The following KCMF1 variants were observed in gnomAD, a reference collection of about 807,000 sequenced individuals.
KCMF1 encodes the protein potassium channel modulatory factor 1.
A neutral mutation model predicts 41.1 loss-of-function variants in KCMF1; 3 were observed. The observed-to-expected ratio is 0.07, with a 90% CI of 0.03 to 0.19. KCMF1 has a LOEUF of 0.19. Ranked by LOEUF, KCMF1 falls within the 10% of genes least tolerant of loss-of-function variation. KCMF1 has a pLI of 1.00. For synonymous variants in KCMF1, 142 were observed against 164.5 expected (o/e 0.86, Z 1.04); for missense variants, 286 against 488.9 (o/e 0.58, Z 3.91).
At chr2:84,973,027 A>G (rs1573998655) in intron 1 of KCMF1, among the ~76,000 whole-genome samples, 1 of 152,244 alleles carries the variant, frequency 6.6e-6, no homozygotes, top group Admixed American at 6.5e-5. Context: ...AATTAAAGTT[A>G]TAATCAGTTT....
At chr2:85,019,806 A>T (rs958823052) in intron 1 of KCMF1, among the ~76,000 whole-genome samples, 1 of 151,816 alleles carries the variant, frequency 6.6e-6, no homozygotes, top group Non-Finnish European at 1.5e-5. Flanking sequence ...ATGTGTGTGT[A>T]TATATACATA....
At chr2:84,992,602 T>G (rs1451310920) in intron 1 of KCMF1, among the ~76,000 whole-genome samples, 2 of 152,060 alleles carry the variant, frequency 1.3e-5, no homozygotes, top group Non-Finnish European at 2.9e-5. Flanking sequence ...CATACAGTTT[T>G]AACGATTTTA....
At chr2:85,003,485 A>G (rs921951626) in intron 1 of KCMF1, among the ~76,000 whole-genome samples, 5 of 152,070 alleles carry the variant, frequency 3.3e-5, no homozygotes, top group Non-Finnish European at 4.4e-5. Context: ...CTCAAAAAAA[A>G]AAATAAGTCT....
At chr2:85,042,098 C>T (rs1399529177) in intron 3 of KCMF1, among the ~76,000 whole-genome samples, 3 of 152,212 alleles carry the variant, frequency 2.0e-5, no homozygotes, top group African/African-American at 7.2e-5. Context: ...ACTTCTTTTT[C>T]TCTTTTGCCT....
chr2:85,018,048 G>C (rs1674827224), intron 1 of KCMF1, among the ~76,000 whole-genome samples: 1 of 152,102 alleles, frequency 6.6e-6, no homozygotes, highest in African/African-American at 2.4e-5. Flanking sequence ...GTGGTTGTCA[G>C]ATATACACCA....
intron 1 of KCMF1, among the ~76,000 whole-genome samples, chr2:84,993,433 G>A (rs916797730): frequency 6.6e-6 from 1 of 151,878 alleles, no homozygotes; most frequent in Non-Finnish European, 1.5e-5. Context: ...TTTTTCTGTT[G>A]GGAGATAATT....
chr2:84,971,511 C>T, intron 1 of KCMF1, 44 bp downstream of exon 1: 1 of 1,122,866 alleles, frequency 8.9e-7, no homozygotes, highest in Non-Finnish European at 1.1e-6. Context: ...CGGGCCTCGG[C>T]CTACCCCGCC....
intron 1 of KCMF1, 23 bp downstream of exon 1, chr2:84,971,490 C>A (rs1244264465): frequency 8.1e-7 from 1 of 1,230,602 alleles, no homozygotes; most frequent in Non-Finnish European, 1.0e-6. Context: ...CCCGCCCCCA[C>A]CCGCACCTCC....
chr2:85,040,581 A>T (rs1391529841), intron 3 of KCMF1, among the ~76,000 whole-genome samples: 1 of 152,160 alleles, frequency 6.6e-6, no homozygotes, highest in Non-Finnish European at 1.5e-5. Context: ...TTTGTCTTAA[A>T]GCATGAGTTA....
At chr2:85,001,351 G>C (rs1336409500) in intron 1 of KCMF1, among the ~76,000 whole-genome samples, 1 of 151,780 alleles carries the variant, frequency 6.6e-6, no homozygotes, top group Non-Finnish European at 1.5e-5. Context: ...TAGAGACAGG[G>C]TCTCACCATG....
At chr2:84,971,698 G>A (rs1250146902) in intron 1 of KCMF1, among the ~76,000 whole-genome samples, 1 of 150,838 alleles carries the variant, frequency 6.6e-6, no homozygotes, top group African/African-American at 2.4e-5. Flanking sequence ...CGGCCCGGGC[G>A]GCCGGAGGGT....
chr2:85,036,992 G>GC (rs527514982), intron 3 of KCMF1, among the ~76,000 whole-genome samples: 2,402 of 147,894 alleles, frequency 0.016, 71 homozygotes, highest in African/African-American at 0.054. Flanking sequence ...TTTGCCCCAT[G>GC]CCCCCCCATC....
chr2:85,004,082 G>A (rs990676461), intron 1 of KCMF1, among the ~76,000 whole-genome samples: 1 of 152,148 alleles, frequency 6.6e-6, no homozygotes, highest in Admixed American at 6.5e-5. Context: ...ATTCACCTCC[G>A]AGTGGGACAG....
At position 85,054,519 on chromosome 2, in the gene KCMF1, A is replaced by C. The variant is rs1030393517; in HGVS notation, c.*1110A>C. 2.6e-5 allele frequency: 4 copies of C among 152,104 alleles called. No individual in the cohort carries two copies. The highest frequency in any genetic ancestry group is 9.7e-5 in the African/African-American group (4 of 41,398). 9.4% of individuals were successfully genotyped at this position (152,104 alleles called of 1,614,324 possible). A position where few individuals can be genotyped will look rare whatever the true frequency, so the allele number is the denominator to read the frequency against. ...TAAAGCCTTTTAATTGAATCATGCC[A>C]CCTATATGCCTATATTATTAATCCT... On this transcript the variant is annotated 3_prime_UTR_variant, in exon 7 of 7. Coordinates refer to ENST00000409785, the MANE Select transcript of KCMF1 (RefSeq NM_020122.5).
chr2:84,987,271 G>A (rs1455002748), intron 1 of KCMF1, among the ~76,000 whole-genome samples: 9 of 152,140 alleles, frequency 5.9e-5, no homozygotes, highest in Non-Finnish European at 1.5e-5. Flanking sequence ...GCAGAGAAAG[G>A]GAACAATGAA....
chr2:84,993,369 C>T (rs1674094080), intron 1 of KCMF1, among the ~76,000 whole-genome samples: 1 of 152,094 alleles, frequency 6.6e-6, no homozygotes, highest in South Asian at 2.1e-4. Context: ...GAGTGTTGAT[C>T]CACAGATAGT....
chr2:84,999,510 T>C (rs1369949135), intron 1 of KCMF1, among the ~76,000 whole-genome samples: 3 of 152,216 alleles, frequency 2.0e-5, no homozygotes, highest in Admixed American at 6.6e-5. Flanking sequence ...GTAAGGTTAA[T>C]AGGTGAGTCT....
chr2:85,011,244 TTTC>T (rs1558574787), intron 1 of KCMF1, among the ~76,000 whole-genome samples: 1 of 152,204 alleles, frequency 6.6e-6, no homozygotes, highest in African/African-American at 2.4e-5. Flanking sequence ...TGTCCCCATC[TTTC>T]TTCATTAGTC....
chr2:85,003,183 C>A (rs995581130), intron 1 of KCMF1, among the ~76,000 whole-genome samples: 9 of 152,252 alleles, frequency 5.9e-5, no homozygotes, highest in African/African-American at 2.2e-4. Flanking sequence ...TTTTAAAATT[C>A]ATCTTGTTGG....
Sources: gnomAD v4.1 joint callset for allele counts (sites outside exome capture counted in the v4.1 genomes callset) on GRCh38, gnomAD v4.1.1 for gene constraint, MANE v1.5 for transcripts, NCBI Gene and HGNC (gene_info 2026-07-23, HGNC 2026-07-21) for gene names.